Variants in UBR3 observed in about 807,000 individuals in gnomAD.
UBR3 encodes the protein ubiquitin protein ligase E3 component n-recognin 3, also known as E3 ubiquitin-protein ligase UBR3.
In UBR3, 85 loss-of-function variants were observed where a neutral mutation model predicts 243.2. The ratio of observed to expected loss-of-function variants is 0.35; its 90% CI spans 0.29 to 0.42. The LOEUF (loss-of-function observed/expected upper bound fraction) is 0.42. Among genes scored for constraint, UBR3 ranks in the 10% least tolerant of loss-of-function variants. The pLI is 1.00. For missense variants in UBR3, 1,686 were observed against 2,300.8 expected, an observed-to-expected ratio of 0.73 and a Z score of 5.47; for synonymous variants, 748 against 799.8, an observed-to-expected ratio of 0.94 and a Z score of 1.09.
At chr2:169,831,057 A>G (rs1314830480) in intron 1 of UBR3, among the ~76,000 whole-genome samples, 1 of 145,580 alleles carries the variant, frequency 6.9e-6, no homozygotes, top group Non-Finnish European at 1.5e-5. Flanking sequence ...CTGGTGTCTC[A>G]TAGGTAAGTA....
rs1177226055 is a variant in UBR3, at chr2:169,949,705, G to T, written c.3185G>T (p.Arg1062Leu). ...AGCAGTGAAGCAAATCAGGTGGTTC[G>T]TCCCAAAACTTCAAGTAAATGGTCT... ...RSSSEANQVV[R>L]PKTSSKWSAP... The change falls in exon 23 of 39, where the codon CGT becomes CTT. Residue 1062 changes from arginine to leucine, a missense_variant. Transcript: ENST00000272793. 6.4e-7 allele frequency: 1 copy of T among 1,551,404 alleles called. No homozygotes were observed. Among genetic ancestry groups the T allele is most frequent in the South Asian group, 1.2e-5 (1 of 84,042 alleles).
intron 5 of UBR3, among the ~76,000 whole-genome samples, chr2:169,890,571 A>ATATATGTGTG: frequency 9.5e-6 from 1 of 104,998 alleles, no homozygotes; most frequent in East Asian, 2.3e-4. Flanking sequence ...ATATGTGTAT[A>ATATATGTGTG]TATATATATG....
chr2:169,908,602 G>T (rs16857266), intron 10 of UBR3, among the ~76,000 whole-genome samples: 1 of 152,060 alleles, frequency 6.6e-6, no homozygotes, highest in Admixed American at 6.6e-5. Flanking sequence ...TAAACACATC[G>T]ATTTACTTCA....
chr2:169,947,889 T>C (rs763850237), intron 22 of UBR3, 174 bp downstream of exon 22: 41 of 985,160 alleles, frequency 4.2e-5, no homozygotes, highest in Non-Finnish European at 4.6e-5. Flanking sequence ...CCAGTCTTTT[T>C]CCCTTAATCT....
intron 36 of UBR3, among the ~76,000 whole-genome samples, chr2:170,078,507 G>T (rs1270877797): frequency 6.6e-6 from 1 of 152,160 alleles, no homozygotes; most frequent in Non-Finnish European, 1.5e-5. Flanking sequence ...TATACTGGTT[G>T]CTGTTTAGAG....
intron 5 of UBR3, among the ~76,000 whole-genome samples, chr2:169,881,253 C>T (rs775871370): frequency 2.0e-5 from 3 of 151,438 alleles, no homozygotes; most frequent in Non-Finnish European, 4.4e-5. Flanking sequence ...GATCTTGGCT[C>T]ACTGCAACCT....
chr2:170,028,829 T>G (rs747566321), intron 30 of UBR3, among the ~76,000 whole-genome samples: 4 of 151,870 alleles, frequency 2.6e-5, no homozygotes, highest in Non-Finnish European at 5.9e-5. Flanking sequence ...TTGTAACAAA[T>G]AATACTCTAT....
intron 24 of UBR3, chr2:169,964,949 A>C (rs990791141): frequency 1.1e-5 from 5 of 456,838 alleles, no homozygotes; most frequent in African/African-American, 1.0e-4. Context: ...CGGTTCTTGT[A>C]TGCTGCAGTG....
chr2:169,940,930 C>T (rs912270805), intron 19 of UBR3, among the ~76,000 whole-genome samples: 7 of 152,094 alleles, frequency 4.6e-5, no homozygotes, highest in African/African-American at 1.7e-4. Flanking sequence ...CTGCTCTGTC[C>T]CACCTGGAAT....
intron 27 of UBR3, among the ~76,000 whole-genome samples, chr2:170,003,613 G>A (rs181889398): frequency 7.7e-4 from 117 of 152,082 alleles, no homozygotes; most frequent in African/African-American, 2.6e-3. Flanking sequence ...GTTACAGTAC[G>A]CATGCTAAAT....
At chr2:170,007,275 C>G (rs2089947743) in intron 28 of UBR3, 85 bp downstream of exon 28, 1 of 1,400,886 alleles carries the variant, frequency 7.1e-7, no homozygotes, top group Non-Finnish European at 9.7e-7. Context: ...ATAAATTACT[C>G]TGGACTTTTA....
At chr2:169,987,257 G>A (rs1440277002) in intron 25 of UBR3, among the ~76,000 whole-genome samples, 1 of 151,848 alleles carries the variant, frequency 6.6e-6, no homozygotes, top group Non-Finnish European at 1.5e-5. Flanking sequence ...GGCCGGTGTG[G>A]TGGAGGGCGC....
chr2:169,959,423 TCCACTTGTGGCATCATG>T (rs1398551528), intron 24 of UBR3, among the ~76,000 whole-genome samples: 2 of 151,774 alleles, frequency 1.3e-5, no homozygotes, highest in Non-Finnish European at 2.9e-5. Flanking sequence ...GCATTGACTT[TCCACTTGTGGCATCATG>T]CCACAAGTGG....
In UBR3 at chr2:169,875,824, A is replaced by G; in HGVS notation, c.719A>G (p.Lys240Arg). The change falls in exon 3 of 39, where the codon AAA becomes AGA. Residue 240 changes from lysine to arginine, a missense_variant. Around this residue, in one of 8 missense-constraint regions of UBR3, gnomAD observed 200 missense variants for 231.6 expected, o/e 0.86. Transcript: ENST00000272793. ...ADGPSEKDLN[K>R]VLQLLEPQIS... is the part of the protein sequence containing the mutation. The stretch of plus-strand genomic sequence containing the variant: ...GGACCATCAGAAAAGGACCTTAACA[A>G]AGTCCTTCAGCTTTTGGAACCTCAA... 1.9e-6 allele frequency: 3 copies of G among 1,545,874 alleles called. No individual in the cohort carries two copies. Among genetic ancestry groups the G allele is most frequent in the African/African-American group, 1.4e-5 (1 of 72,748 alleles).
At chr2:169,832,422 T>C (rs1023881025) in intron 1 of UBR3, among the ~76,000 whole-genome samples, 2 of 151,776 alleles carry the variant, frequency 1.3e-5, no homozygotes, top group Admixed American at 6.6e-5. Context: ...TGGTGGTGGG[T>C]GCCTGTAGTC....
At chr2:169,951,893 C>T (rs530148665) in intron 23 of UBR3, among the ~76,000 whole-genome samples, 1 of 152,200 alleles carries the variant, frequency 6.6e-6, no homozygotes, top group East Asian at 1.9e-4. Context: ...GAATGGTGCC[C>T]TGATTTCTGA....
At chr2:169,963,167 T>G (rs568776424) in intron 24 of UBR3, among the ~76,000 whole-genome samples, 1 of 152,304 alleles carries the variant, frequency 6.6e-6, no homozygotes, top group South Asian at 2.1e-4. Context: ...GATGCTCTGT[T>G]TAGTCAGAGT....
rs190986377 is a variant in UBR3, at chr2:170,016,197, A to G, written c.4453+831A>G. The stretch of plus-strand genomic sequence containing the variant: ...AACAAAATATATGTTATTTCAAAAA[A>G]TATGTAATTTTGAATTGATTCCAAA... On this transcript the variant is annotated intron_variant, in intron 30 of 38. Coordinates refer to ENST00000272793, the MANE Select transcript of UBR3 (RefSeq NM_172070.4). Among the ~76,000 whole-genome samples, 274 of 151,994 alleles carry G rather than the reference A, an allele frequency of 1.8e-3. 1 individual carries two copies. The highest frequency in any genetic ancestry group is 2.8e-3 in the Non-Finnish European group (191 of 67,770).
intron 5 of UBR3, among the ~76,000 whole-genome samples, chr2:169,880,220 G>C (rs968630833): frequency 3.3e-5 from 5 of 152,066 alleles, no homozygotes; most frequent in Non-Finnish European, 5.9e-5. Flanking sequence ...ATGATGAAAT[G>C]GTTTGGTCAT....
Sources: gnomAD v4.1 joint callset for allele counts (sites outside exome capture counted in the v4.1 genomes callset) on GRCh38, gnomAD v4.1.1 for gene constraint, gnomAD v4.1.1 regional missense constraint, MANE v1.5 for transcripts, NCBI Gene and HGNC (gene_info 2026-07-23, HGNC 2026-07-21) for gene names.